Variants in DST observed in about 807,000 individuals in gnomAD.
DST encodes the protein bullous pemphigoid antigen.
A neutral mutation model predicts 875.2 loss-of-function variants in DST; 253 were observed. That is an observed-to-expected ratio of 0.29 (90% CI 0.26 to 0.32). The LOEUF (loss-of-function observed/expected upper bound fraction) is 0.32. DST is among the 10% of genes least tolerant of loss of function. DST has a pLI of 1.00. For missense variants in DST, 8,287 were observed against 9,111.6 expected, an observed-to-expected ratio of 0.91 and a Z score of 3.68; for synonymous variants, 3,124 against 3,197.1, an observed-to-expected ratio of 0.98 and a Z score of 0.77.
intron 4 of DST, among the ~76,000 whole-genome samples, chr6:56,780,516 A>C (rs1195181652): frequency 6.6e-6 from 1 of 151,914 alleles, no homozygotes; most frequent in Non-Finnish European, 1.5e-5. Flanking sequence ...TGGCTGCATA[A>C]ATGTCTTCTT....
intron 80 of DST, among the ~76,000 whole-genome samples, chr6:56,499,901 C>CT (rs1260157413): frequency 6.6e-6 from 1 of 152,082 alleles, no homozygotes; most frequent in Non-Finnish European, 1.5e-5. Context: ...GTCATTAGGG[C>CT]TTTAAGCAAA....
chr6:56,873,614 C>G (rs1778338096), intron 3 of DST, among the ~76,000 whole-genome samples: 1 of 152,052 alleles, frequency 6.6e-6, no homozygotes, highest in Non-Finnish European at 1.5e-5. Flanking sequence ...AAGCCAAGCA[C>G]AAAGAGAAAA....
chr6:56,911,359 A>G (rs1798760806), intron 2 of DST, among the ~76,000 whole-genome samples: 1 of 152,162 alleles, frequency 6.6e-6, no homozygotes. Flanking sequence ...GGGTATTCTG[A>G]TGCTGCTGGT....
At chr6:56,889,366 A>C (rs1157521529) in intron 3 of DST, among the ~76,000 whole-genome samples, 3 of 152,174 alleles carry the variant, frequency 2.0e-5, no homozygotes, top group African/African-American at 7.2e-5. Context: ...AAAGAGGATC[A>C]CCCAATCACC....
chr6:56,488,404 G>A lies in DST; in HGVS notation c.20877+1086C>T, dbSNP rs1453267811. ...GTTTTGAGAAGGAAGCTCTCATTTC[G>A]CCATCAGAGGGGAAGGAAGGAAGGT... On this transcript the variant is annotated intron_variant, in intron 86 of 103. Coordinates refer to ENST00000680361, the MANE Select transcript of DST (RefSeq NM_001374736.1). 3.3e-5 allele frequency among the ~76,000 whole-genome samples: 5 copies of A among 152,198 alleles called. No homozygotes were observed. In the South Asian group the frequency reaches 6.2e-4, roughly 19 times the overall value.
intron 9 of DST, among the ~76,000 whole-genome samples, chr6:56,694,216 TAAA>T (rs10660963): frequency 2.9e-5 from 4 of 138,480 alleles, no homozygotes; most frequent in African/African-American, 1.0e-4. Flanking sequence ...ATAGATATGG[TAAA>T]AAAAAAAAAA....
chr6:56,746,805 T>C (rs2099573785), intron 4 of DST, among the ~76,000 whole-genome samples: 1 of 152,212 alleles, frequency 6.6e-6, no homozygotes, highest in Non-Finnish European at 1.5e-5. Flanking sequence ...ATGTATTACA[T>C]ATTCCGGTGG....
intron 10 of DST, among the ~76,000 whole-genome samples, chr6:56,658,475 G>C (rs115978252): frequency 1.3e-4 from 20 of 152,268 alleles, no homozygotes; most frequent in African/African-American, 4.6e-4. Flanking sequence ...TTATGGGCTG[G>C]TTATAGCATA....
chr6:56,717,955 C>T (rs1005012798), intron 5 of DST, among the ~76,000 whole-genome samples: 1 of 152,158 alleles, frequency 6.6e-6, no homozygotes, highest in Non-Finnish European at 1.5e-5. Context: ...TAAATTGGCT[C>T]TATCTAGGCA....
chr6:56,459,040 G>T lies in DST; in HGVS notation c.23422C>A (p.Pro7808Thr), dbSNP rs1316735440. ...SKIPTPQRKSPASKLDKSSKR is the reference protein window; with the variant it reads ...SKIPTPQRKSTASKLDKSSKR ...GAGGACTTGTCCAATTTGCTGGCAG[G>T]TGATTTCCTCTGGGGCGTGGGGATT... Residue 7808 changes from proline (P) to threonine (T), a missense_variant, in exon 104 of 104, where the codon CCT (proline) becomes ACT (threonine). Coordinates refer to ENST00000680361, the MANE Select transcript of DST (RefSeq NM_001374736.1). The T allele has an allele frequency of 1.9e-6, 3 of 1,612,832 alleles. No homozygotes were observed. The Admixed American group carries it at 5.0e-5, about 27-fold the overall frequency.
chr6:56,824,494 C>G (rs926837291), intron 4 of DST, among the ~76,000 whole-genome samples: 12 of 151,394 alleles, frequency 7.9e-5, no homozygotes, highest in Non-Finnish European at 1.8e-4. Flanking sequence ...GAGACCCTCT[C>G]CCTGGCTGCC....
chr6:56,796,532 T>G lies in DST; in HGVS notation c.625+54865A>C, dbSNP rs115905620. Reference sequence around the variant, plus strand: ...AAAATCAAGAAGTAGATCCAAAAATTTGTTATCTAGTGATATGATTTAAAT... The same window carrying G: ...AAAATCAAGAAGTAGATCCAAAAATGTGTTATCTAGTGATATGATTTAAAT... On this transcript the variant is annotated intron_variant, in intron 4 of 103. Transcript: ENST00000680361. Among the ~76,000 whole-genome samples the G allele has an allele frequency of 3.4e-3, 516 of 152,248 alleles. 4 individuals are homozygous for G. Among genetic ancestry groups the G allele is most frequent in the African/African-American group, 0.012 (501 of 41,540 alleles).
rs1021696834 is a variant in DST, at chr6:56,782,743, C to A, written c.626-47454G>T. ...TTTCCTTCAGTTCTGCTCTGATTTTCGTTATTTCTTGCCTTCTGTTAGCTT... is the reference window on the plus strand; with the variant it reads ...TTTCCTTCAGTTCTGCTCTGATTTTAGTTATTTCTTGCCTTCTGTTAGCTT... On this transcript the variant is annotated intron_variant, in intron 4 of 103. Transcript: ENST00000680361. Among the ~76,000 whole-genome samples the A allele has an allele frequency of 2.4e-3, 364 of 151,938 alleles. 1 individual carries two copies. The highest frequency in any genetic ancestry group is 7.7e-3 in the African/African-American group (320 of 41,468).
chr6:56,813,673 G>A (rs766058326), intron 4 of DST, among the ~76,000 whole-genome samples: 2 of 152,128 alleles, frequency 1.3e-5, no homozygotes, highest in Non-Finnish European at 2.9e-5. Context: ...TTTTAAGCCA[G>A]CCGAATTTCA....
chr6:56,764,097 G>GCACACACACA (rs57134689), intron 4 of DST, among the ~76,000 whole-genome samples: 2,611 of 141,980 alleles, frequency 0.018, 70 homozygotes, highest in African/African-American at 0.051. Context: ...AAGTGCACAT[G>GCACACACACA]CACACACACA....
Position 56,858,062 on chromosome 6 carries a change from A to G in DST, c.418-6458T>C, listed in dbSNP as rs376050871. 3.9e-4 allele frequency among the ~76,000 whole-genome samples: 60 copies of G among 152,296 alleles called. No homozygotes were observed. In the East Asian group the frequency reaches 0.011, roughly 27 times the overall value. On this transcript the variant is annotated intron_variant, in intron 3 of 103. Transcript: ENST00000680361. ...GCTCTCAGTTAAGTCTTACCTGGAA[A>G]CCACCTTTAGGTAGTAAGTGTGGAA... is the stretch of plus-strand genomic sequence containing the variant.
intron 4 of DST, among the ~76,000 whole-genome samples, chr6:56,848,994 A>C (rs1014633013): frequency 1.3e-5 from 2 of 152,018 alleles, no homozygotes; most frequent in Non-Finnish European, 2.9e-5. Flanking sequence ...AGCCAAGATT[A>C]TGCCACTGCA....
chr6:56,890,441 G>A (rs1258388159), intron 3 of DST, among the ~76,000 whole-genome samples: 8 of 151,730 alleles, frequency 5.3e-5, no homozygotes, highest in Admixed American at 5.2e-4. Flanking sequence ...GTTTCAAGAT[G>A]GTAAAAAAAA....
intron 91 of DST, among the ~76,000 whole-genome samples, chr6:56,476,748 T>C (rs1247945813): frequency 6.6e-6 from 1 of 151,784 alleles, no homozygotes; most frequent in Non-Finnish European, 1.5e-5. Flanking sequence ...CGAGGTCAGT[T>C]CAAGATCAGC....
Sources: gnomAD v4.1 joint callset for allele counts (sites outside exome capture counted in the v4.1 genomes callset) on GRCh38, gnomAD v4.1.1 for gene constraint, MANE v1.5 for transcripts, NCBI Gene and HGNC (gene_info 2026-07-23, HGNC 2026-07-21) for gene names.